DYNC2H1: variants seen among roughly 807,000 people sequenced by gnomAD.
DYNC2H1 encodes the protein cytoplasmic dynein 2 heavy chain 1.
In DYNC2H1, 410 loss-of-function variants were observed where a neutral mutation model predicts 570.0. The ratio of observed to expected loss-of-function variants is 0.72; its 90% confidence interval spans 0.66 to 0.78. DYNC2H1 has a LOEUF of 0.78. DYNC2H1 is among the 30% of genes least tolerant of loss of function. DYNC2H1 has a pLI of 0.00. For synonymous variants in DYNC2H1, 1,688 were observed against 1,677.6 expected, an observed-to-expected ratio of 1.01 and a Z score of -0.15; for missense variants, 4,865 against 5,046.4, an observed-to-expected ratio of 0.96 and a Z score of 1.09.
chr11:103,138,904 C>G (rs1279804110), intron 17 of DYNC2H1, among the ~76,000 whole-genome samples: 3 of 151,910 alleles, frequency 2.0e-5, no homozygotes, highest in Admixed American at 2.0e-4. Context: ...TGTTATTGGT[C>G]TATTCAGAGA....
chr11:103,423,630 A>G (rs1484923811), intron 84 of DYNC2H1, among the ~76,000 whole-genome samples: 1 of 151,966 alleles, frequency 6.6e-6, no homozygotes, highest in Non-Finnish European at 1.5e-5. Context: ...TCTCTTTAAA[A>G]GACACTTATA....
intron 87 of DYNC2H1, among the ~76,000 whole-genome samples, chr11:103,459,807 C>T (rs1217492688): frequency 1.3e-5 from 2 of 150,918 alleles, no homozygotes; most frequent in African/African-American, 4.9e-5. Flanking sequence ...AAAAAATTAG[C>T]CGGGCGCGGT....
chr11:103,305,234 T>TA lies in DYNC2H1; in HGVS notation c.11382+515dup, dbSNP rs1241914246. ...CTAGTGCTTATTTAAGAAAGATGAG[T>TA]AGGGTCTTGGGTAGTTAAAGATGAT... is the stretch of plus-strand genomic sequence containing the variant. On this transcript the variant is annotated intron_variant, in intron 77 of 88. Coordinates refer to ENST00000375735, the MANE Select transcript of DYNC2H1 (RefSeq NM_001377.3). The surrounding 1 kb of genome is among the most constrained non-coding windows in gnomAD (Gnocchi z 4.3). 5.9e-5 allele frequency among the ~76,000 whole-genome samples: 9 copies of TA among 152,082 alleles called. No homozygotes were observed. The highest frequency in any genetic ancestry group is 2.2e-4 in the African/African-American group (9 of 41,412).
Position 103,203,626 on chromosome 11 carries a change from T to C in DYNC2H1, c.8198-37T>C. 1 of 1,319,490 alleles carries C rather than the reference T, an allele frequency of 7.6e-7. No individual in the cohort carries two copies. The highest frequency in any genetic ancestry group is 1.0e-6 in the Non-Finnish European group (1 of 954,840). The allele number at this position is 1,319,490 out of a possible 1,614,324, so 81.7% of individuals were successfully genotyped here. A position where few individuals can be genotyped will look rare whatever the true frequency, so the allele number is the denominator to read the frequency against. On this transcript the variant is annotated intron_variant, in intron 50 of 88. Transcript: ENST00000375735. The surrounding 1 kb of genome is among the most constrained non-coding windows in gnomAD (Gnocchi z 4.7). Reference sequence around the variant, plus strand: ...ACAAAAATTGAAAAAGCATCATTTATTAAAATGTTTTCAATTAGTCTAATA... The same window carrying C: ...ACAAAAATTGAAAAAGCATCATTTACTAAAATGTTTTCAATTAGTCTAATA...
intron 82 of DYNC2H1, among the ~76,000 whole-genome samples, chr11:103,337,145 T>G (rs1456047894): frequency 2.0e-5 from 3 of 152,250 alleles, no homozygotes; most frequent in Non-Finnish European, 4.4e-5. Flanking sequence ...ATGTTTCTGC[T>G]GCAGATAACT....
chr11:103,186,634 A>G lies in DYNC2H1; in HGVS notation c.6893+133A>G. 2 of 1,252,592 alleles carry G rather than the reference A, an allele frequency of 1.6e-6. No individual in the cohort carries two copies. The highest frequency in any genetic ancestry group is 3.3e-5 in the South Asian group (2 of 60,854). The allele number at this position is 1,252,592 out of a possible 1,614,324, so 77.6% of individuals were successfully genotyped here. A position where few individuals can be genotyped will look rare whatever the true frequency, so the allele number is the denominator to read the frequency against. On this transcript the variant is annotated intron_variant, in intron 42 of 88. Transcript: ENST00000375735. The surrounding 1 kb of genome is among the most constrained non-coding windows in gnomAD (Gnocchi z 4.5). ...TTCATGGAAGATTCATTTTATTTTC[A>G]TTACTTATAAAAATAAGAACTATGG...
At chr11:103,153,987 A>G (rs531155372) in intron 22 of DYNC2H1, among the ~76,000 whole-genome samples, 4 of 152,016 alleles carry the variant, frequency 2.6e-5, no homozygotes, top group African/African-American at 9.6e-5. Flanking sequence ...AAATGAGTGG[A>G]GTGAGTCAAT....
At chr11:103,417,875 CAAAAAAAAAAAA>C (rs57468229) in intron 84 of DYNC2H1, among the ~76,000 whole-genome samples, 1 of 131,522 alleles carries the variant, frequency 7.6e-6, no homozygotes, top group Non-Finnish European at 1.7e-5. Flanking sequence ...GACTCCATCT[CAAAAAAAAAAAA>C]AAATTGATCA....
Position 103,134,455 on chromosome 11 carries a change from A to G in DYNC2H1, c.2205+36A>G, listed in dbSNP as rs1251027116. On this transcript the variant is annotated intron_variant, in intron 15 of 88. Transcript: ENST00000375735. ...TTTTATTTTGTGTGTATACTTTGAA[A>G]TATGACCTTTTCAGAATGTAAGTAC... The G allele has an allele frequency of 5.9e-6, 9 of 1,522,938 alleles. 1 individual carries two copies. The highest frequency in any genetic ancestry group is 3.4e-4 in the Middle Eastern group (2 of 5,824). The allele number at this position is 1,522,938 out of a possible 1,614,324, so 94.3% of individuals were successfully genotyped here. A position where few individuals can be genotyped will look rare whatever the true frequency, so the allele number is the denominator to read the frequency against.
At chr11:103,296,791 C>G (rs996992758) in intron 75 of DYNC2H1, among the ~76,000 whole-genome samples, 6 of 151,596 alleles carry the variant, frequency 4.0e-5, no homozygotes, top group Non-Finnish European at 7.4e-5. Flanking sequence ...CTTAAAAATA[C>G]CTCCCTTGGT....
intron 43 of DYNC2H1, 27 bp from the exon 44 acceptor site, chr11:103,188,470 G>A (rs1591379993): frequency 2.0e-6 from 3 of 1,483,744 alleles, no homozygotes; most frequent in Non-Finnish European, 2.7e-6. Flanking sequence ...GATAAAAAAC[G>A]TTTAAAATAT....
At chr11:103,378,487 A>T (rs1402805989) in intron 83 of DYNC2H1, among the ~76,000 whole-genome samples, 1 of 152,154 alleles carries the variant, frequency 6.6e-6, no homozygotes, top group Non-Finnish European at 1.5e-5. Flanking sequence ...TGGAGAGTAG[A>T]TTTTCAGGCC....
At position 103,454,994 on chromosome 11, in the gene DYNC2H1, AGATG is replaced by A. The variant is rs1944735554; in HGVS notation, c.12457-184_12457-181del. ...ACAATTGTGCAAGGAATCGTATTTAAGATGGATGGATATTATGCCAAATTGCAAT... is the reference window on the plus strand; with the variant it reads ...ACAATTGTGCAAGGAATCGTATTTAAGATGGATATTATGCCAAATTGCAAT... On this transcript the variant is annotated intron_variant, in intron 85 of 88. Transcript: ENST00000375735. The A allele has an allele frequency of 6.0e-6, 3 of 502,006 alleles. No individual in the cohort carries two copies. In the South Asian group the frequency reaches 1.1e-4, roughly 19 times the overall value. 31.1% of individuals were successfully genotyped at this position (502,006 alleles called of 1,614,324 possible).
intron 88 of DYNC2H1, among the ~76,000 whole-genome samples, chr11:103,477,118 G>A (rs755340404): frequency 3.3e-5 from 5 of 152,114 alleles, no homozygotes; most frequent in African/African-American, 1.2e-4. Context: ...CCTCTACAGG[G>A]TCAGGAGCTC....
At chr11:103,445,333 T>A (rs1189240983) in intron 85 of DYNC2H1, among the ~76,000 whole-genome samples, 1 of 152,208 alleles carries the variant, frequency 6.6e-6, no homozygotes, top group African/African-American at 2.4e-5. Context: ...CTATGGACAT[T>A]TGGGGCTTCT....
At chr11:103,454,457 A>G (rs575210006) in intron 85 of DYNC2H1, among the ~76,000 whole-genome samples, 5 of 152,236 alleles carry the variant, frequency 3.3e-5, no homozygotes, top group African/African-American at 1.2e-4. Context: ...TCCTGGTTCC[A>G]GCAGCTTATT....
intron 52 of DYNC2H1, among the ~76,000 whole-genome samples, chr11:103,208,344 C>T (rs967676244): frequency 2.6e-5 from 4 of 152,108 alleles, no homozygotes; most frequent in Admixed American, 6.6e-5. Flanking sequence ...TGGTAGATGC[C>T]TGCACCATGG....
In DYNC2H1 at chr11:103,129,456, T is replaced by C. The variant is rs976695490; in HGVS notation, c.1953+451T>C. On this transcript the variant is annotated intron_variant, in intron 13 of 88. Transcript: ENST00000375735. This position sits in a 1 kb window ranked among gnomAD's most constrained non-coding sequence, Gnocchi z 4.1. The stretch of plus-strand genomic sequence containing the variant: ...CCAGCACTTTCGAGGCCGAGGCGGG[T>C]GGATCACCTGACATCAGGGGTTTGA... Among the ~76,000 whole-genome samples the C allele has an allele frequency of 6.6e-6, 1 of 151,960 alleles. No homozygotes were observed. Among genetic ancestry groups the C allele is most frequent in the Non-Finnish European group, 1.5e-5 (1 of 67,916 alleles).
At position 103,189,924 on chromosome 11, in the gene DYNC2H1, A is replaced by G. The variant is rs564829848; in HGVS notation, c.7437+108A>G. The G allele has an allele frequency of 6.6e-5, 78 of 1,184,170 alleles. No homozygotes were observed. The South Asian group carries it at 1.2e-3, about 18-fold the overall frequency. 73.4% of individuals were successfully genotyped at this position (1,184,170 alleles called of 1,614,324 possible). On this transcript the variant is annotated intron_variant, in intron 45 of 88. Transcript: ENST00000375735. The surrounding 1 kb of genome is among the most constrained non-coding windows in gnomAD (Gnocchi z 4.3). ...ACACCCAGGCTTTACTTTCCTGTTT[A>G]TTAGACTTTTCTAGTAGAGAGTAAC...
Sources: allele counts gnomAD v4.1 joint callset (sites outside exome capture counted in the v4.1 genomes callset), GRCh38; gene constraint gnomAD v4.1.1; non-coding constraint Gnocchi (gnomAD v3.1); transcripts MANE v1.5; gene names NCBI Gene and HGNC (gene_info 2026-07-23, HGNC 2026-07-21).